NEB: variants seen among roughly 807,000 people sequenced by gnomAD.
The protein encoded by NEB is nemaline myopathy type 2.
Under a neutral mutation model 952.2 loss-of-function variants are expected in NEB, and 512 were observed. That is an observed-to-expected ratio of 0.54 (90% CI 0.50 to 0.58). NEB has a LOEUF of 0.58. Ranked by LOEUF, NEB falls within the 20% of genes least tolerant of loss-of-function variation. The probability of loss-of-function intolerance (pLI) is 0.00; values close to 1 mark genes in which losing one functional copy is unlikely to be tolerated. For synonymous variants in NEB, 2,900 were observed against 3,149.8 expected (o/e 0.92, Z 2.66); for missense variants, 8,428 against 9,231.1 (o/e 0.91, Z 3.56).
chr2:151,546,870 CTTGTACTCT>C (rs2094783555), intron 133 of NEB, among the ~76,000 whole-genome samples: 1 of 152,002 alleles, frequency 6.6e-6, no homozygotes, highest in Non-Finnish European at 1.5e-5. Context: ...GTTCATCTAC[CTTGTACTCT>C]TAGTTTACTT....
chr2:151,708,079 T>C (rs1400430920), intron 12 of NEB, among the ~76,000 whole-genome samples: 1 of 152,156 alleles, frequency 6.6e-6, no homozygotes, highest in Non-Finnish European at 1.5e-5. Flanking sequence ...AGCCATCCCC[T>C]CCTCTTAAGC....
intron 171 of NEB, chr2:151,497,330 TGAG>T: frequency 1.0e-6 from 1 of 980,868 alleles, no homozygotes; most frequent in Non-Finnish European, 1.2e-6. Context: ...AACAATTATA[TGAG>T]GATTTGAGAC....
At chr2:151,491,146 T>G (rs1167479719) in intron 179 of NEB, 1 of 154,354 alleles carries the variant, frequency 6.5e-6, no homozygotes, top group Non-Finnish European at 1.4e-5. Context: ...TCCTCCCACT[T>G]CAGCCCCCTG....
chr2:151,541,434 C>T lies in NEB; in HGVS notation c.20682+13G>A, dbSNP rs189918704. The T allele has an allele frequency of 4.0e-4, 642 of 1,602,444 alleles. 4 individuals carry two copies. In the African/African-American group the frequency reaches 7.8e-3, roughly 20 times the overall value. ...GATGCCTGAGTGGCAGGCTTATGAA[C>T]CTCTGAGCTTACCTGACTCTGAAGC... On this transcript the variant is annotated intron_variant, in intron 136 of 181. Transcript: ENST00000397345.
chr2:151,649,527 T>C (rs576892246), intron 54 of NEB, among the ~76,000 whole-genome samples: 1 of 152,202 alleles, frequency 6.6e-6, no homozygotes, highest in Non-Finnish European at 1.5e-5. Context: ...GGGCACATAC[T>C]TCAGTATTCT....
chr2:151,509,660 G>T (rs145791975), intron 161 of NEB, among the ~76,000 whole-genome samples: 1 of 151,938 alleles, frequency 6.6e-6, no homozygotes, highest in Non-Finnish European at 1.5e-5. Flanking sequence ...GCGGAGTTTC[G>T]CAGTGTCTCC....
intron 101 of NEB, among the ~76,000 whole-genome samples, chr2:151,583,053 GA>G (rs1372973233): frequency 9.0e-6 from 1 of 111,470 alleles, no homozygotes; most frequent in Non-Finnish European, 2.0e-5. Flanking sequence ...TGCGTAATGA[GA>G]AAAAAATACA....
At chr2:151,695,737 T>C (rs2099591443) in intron 17 of NEB, 55 bp from the exon 18 acceptor site, 2 of 1,339,912 alleles carry the variant, frequency 1.5e-6, no homozygotes, top group African/African-American at 1.4e-5. Flanking sequence ...AATACAAAAA[T>C]TCTTGTGTGG....
intron 47 of NEB, 55 bp from the exon 48 acceptor site, chr2:151,658,145 A>C (rs564219539): frequency 7.8e-5 from 102 of 1,315,422 alleles, no homozygotes; most frequent in Admixed American, 1.1e-4. Flanking sequence ...GCCTGGATTT[A>C]TTTTAGAAGA....
chr2:151,650,137 C>T (rs774746700), intron 54 of NEB, 39 bp downstream of exon 54: 1 of 1,582,620 alleles, frequency 6.3e-7, no homozygotes, highest in South Asian at 1.1e-5. Flanking sequence ...CACTAGGTAG[C>T]AGGCACTATA....
chr2:151,632,677 GAAAAAAAAAA>G (rs761404681), intron 65 of NEB, among the ~76,000 whole-genome samples: 1 of 50,678 alleles, frequency 2.0e-5, no homozygotes, highest in Non-Finnish European at 4.1e-5. Flanking sequence ...CTCTGTCTCA[GAAAAAAAAAA>G]AAAAAAAAAG....
Position 151,493,338 on chromosome 2 carries a change from A to G in NEB, c.24765+15T>C. 2 of 1,571,838 alleles carry G rather than the reference A, an allele frequency of 1.3e-6. No individual in the cohort carries two copies. The highest frequency in any genetic ancestry group is 1.7e-6 in the Non-Finnish European group (2 of 1,143,106). On this transcript the variant is annotated intron_variant, in intron 176 of 181. Transcript: ENST00000397345. ...CCAAGTTGTTGCACTATTTCTTTTT[A>G]GTCCTAGAAAATACCGAGCTAATGT...
intron 139 of NEB, 65 bp downstream of exon 139, chr2:151,538,075 A>T (rs935900240): frequency 6.6e-7 from 1 of 1,513,906 alleles, no homozygotes; most frequent in Non-Finnish European, 9.1e-7. Context: ...GTTGCTAAAA[A>T]ATATATGTAT....
intron 138 of NEB, among the ~76,000 whole-genome samples, chr2:151,539,976 T>C (rs2093813441): frequency 6.6e-6 from 1 of 152,178 alleles, no homozygotes; most frequent in Non-Finnish European, 1.5e-5. Context: ...ACAGATGATA[T>C]AGAGTCATAC....
At chr2:151,651,513 T>C (rs1170029157) in intron 52 of NEB, among the ~76,000 whole-genome samples, 2 of 152,228 alleles carry the variant, frequency 1.3e-5, no homozygotes, top group Admixed American at 6.5e-5. Flanking sequence ...GGGATCTATA[T>C]CTTGCATGTG....
rs78299584 is a variant in NEB at position 151,708,179 on chromosome 2, G to T, written c.1036-1182C>A. On this transcript the variant is annotated intron_variant, in intron 12 of 181. Transcript: ENST00000397345. ...ATCACCAAATCTTCCCTTTCTACTG[G>T]ATTCTTTCCATCAACATGATGCTTT... is the stretch of plus-strand genomic sequence containing the variant. Among the ~76,000 whole-genome samples the T allele has an allele frequency of 7.4e-3, 1,131 of 151,976 alleles. 13 individuals are homozygous for T. Among genetic ancestry groups the T allele is most frequent in the African/African-American group, 0.026 (1,087 of 41,492 alleles).
chr2:151,678,131 A>T lies in NEB; in HGVS notation c.3312T>A (p.Ser1104Arg), dbSNP rs770803872. ...GAACCAGTTTAGGGTCATCTTGAAG[A>T]CTTTGGAAGCCAACCATTTTCCCTT... Reference protein sequence around the residue: ...KAKGKMVGFQSLQDDPKLVHY... With the variant: ...KAKGKMVGFQRLQDDPKLVHY... The change falls in exon 33 of 182, where the codon AGT becomes AGA. Residue 1104 changes from serine (S) to arginine (R), a missense_variant. Ser to Arg is a moderately radical substitution (Grantham distance 110). This residue lies in a region of NEB where 2,851 missense variants were observed against 2,791.5 expected (regional missense o/e 1.02). Coordinates refer to ENST00000397345, the MANE Select transcript of NEB (RefSeq NM_001164508.2). 6.2e-7 allele frequency: 1 copy of T among 1,613,464 alleles called. No individual in the cohort carries two copies. The highest frequency in any genetic ancestry group is 1.7e-5 in the Admixed American group (1 of 59,964).
chr2:151,550,947 AATTATTATTATT>A (rs5835373), intron 129 of NEB, among the ~76,000 whole-genome samples: 65 of 138,890 alleles, frequency 4.7e-4, no homozygotes, highest in Middle Eastern at 3.7e-3. Context: ...GCCTGGCCAA[AATTATTATTATT>A]ATTATTATTA....
At chr2:151,640,931 TG>T (rs533774197) in intron 60 of NEB, among the ~76,000 whole-genome samples, 1 of 152,216 alleles carries the variant, frequency 6.6e-6, no homozygotes, top group East Asian at 1.9e-4. Flanking sequence ...ATTTAGAATT[TG>T]TTTTTAAAAT....
Sources: allele counts gnomAD v4.1 joint callset (sites outside exome capture counted in the v4.1 genomes callset), GRCh38; gene constraint gnomAD v4.1.1; regional missense constraint gnomAD v4.1.1; transcripts MANE v1.5; gene names NCBI Gene and HGNC (gene_info 2026-07-23, HGNC 2026-07-21).